Variants in UBE2L3 observed in about 807,000 individuals in gnomAD.
UBE2L3 encodes the protein ubiquitin-conjugating enzyme E2 L3.
A neutral mutation model predicts 17.8 loss-of-function variants in UBE2L3; 1 was observed. The observed-to-expected ratio is 0.06, with a 90% confidence interval of 0.02 to 0.27. The LOEUF (loss-of-function observed/expected upper bound fraction) is 0.27. Ranked by LOEUF, UBE2L3 falls within the 10% of genes least tolerant of loss-of-function variation. UBE2L3 has a pLI of 1.00. For synonymous variants in UBE2L3, 44 were observed against 68.5 expected, an observed-to-expected ratio of 0.64 and a Z score of 1.76; for missense variants, 40 against 192.6, an observed-to-expected ratio of 0.21 and a Z score of 4.69.
intron 2 of UBE2L3, among the ~76,000 whole-genome samples, chr22:21,607,509 C>T (rs572817438): frequency 4.4e-5 from 6 of 137,862 alleles, no homozygotes; most frequent in South Asian, 5.1e-4. Context: ...AGCGAGACTC[C>T]GTCTTAAAAA....
intron 1 of UBE2L3, among the ~76,000 whole-genome samples, chr22:21,589,294 C>T (rs371538641): frequency 4.5e-4 from 69 of 151,790 alleles, no homozygotes; most frequent in African/African-American, 1.5e-3. Flanking sequence ...TACAGGCGCC[C>T]GCCACCATGC....
intron 1 of UBE2L3, among the ~76,000 whole-genome samples, chr22:21,561,990 C>G (rs1481193194): frequency 1.3e-5 from 2 of 152,122 alleles, no homozygotes. Flanking sequence ...TTTCCTGCCC[C>G]AGCAGAGGCA....
At chr22:21,620,521 CAG>C (rs1929992779) in intron 3 of UBE2L3, among the ~76,000 whole-genome samples, 1 of 152,112 alleles carries the variant, frequency 6.6e-6, no homozygotes, top group African/African-American at 2.4e-5. Flanking sequence ...CTGGTCCTGA[CAG>C]GGTCAGGGGG....
upstream of UBE2L3, among the ~76,000 whole-genome samples, chr22:21,563,199 G>A (rs1458465071): frequency 1.7e-4 from 24 of 143,438 alleles, no homozygotes; most frequent in Admixed American, 1.1e-3. Flanking sequence ...CCGAGATTGC[G>A]CCACTGCACT....
At chr22:21,606,318 T>TGTGTGTGTGTGTG (rs1010176803) in intron 2 of UBE2L3, among the ~76,000 whole-genome samples, 4 of 151,254 alleles carry the variant, frequency 2.6e-5, no homozygotes, top group African/African-American at 9.7e-5. Flanking sequence ...GTGTGGTATG[T>TGTGTGTGTGTGTG]GTGTGTGTGT....
intron 3 of UBE2L3, among the ~76,000 whole-genome samples, chr22:21,612,588 G>T (rs967777612): frequency 4.8e-5 from 7 of 146,000 alleles, no homozygotes; most frequent in Admixed American, 2.8e-4. Context: ...GCCTCCCAAA[G>T]TGCTGGGATT....
At chr22:21,618,766 ATTTTTTG>A (rs1929909477) in intron 3 of UBE2L3, among the ~76,000 whole-genome samples, 1 of 151,778 alleles carries the variant, frequency 6.6e-6, no homozygotes, top group Admixed American at 6.6e-5. Context: ...TTTATTTTTT[ATTTTTTG>A]TAGAGGCCAG....
At chr22:21,579,958 G>C (rs982203736) in intron 1 of UBE2L3, among the ~76,000 whole-genome samples, 1 of 152,184 alleles carries the variant, frequency 6.6e-6, no homozygotes, top group African/African-American at 2.4e-5. Context: ...GTTTTGTTTT[G>C]CCTGAGCAGT....
intron 3 of UBE2L3, among the ~76,000 whole-genome samples, chr22:21,617,118 C>T (rs555071644): frequency 6.8e-6 from 1 of 146,384 alleles, no homozygotes; most frequent in Non-Finnish European, 1.5e-5. Context: ...GCACTCCAGC[C>T]TGGGCAACAG....
intron 1 of UBE2L3, 166 bp downstream of exon 1, chr22:21,567,937 C>G: frequency 7.0e-7 from 1 of 1,425,612 alleles, no homozygotes; most frequent in Non-Finnish European, 9.2e-7. Flanking sequence ...ACGGGGCTGG[C>G]CTAGGCCGCA....
At chr22:21,611,087 G>T (rs1041518502) in intron 3 of UBE2L3, 44 bp downstream of exon 3, 9 of 1,533,050 alleles carry the variant, frequency 5.9e-6, no homozygotes, top group African/African-American at 2.8e-5. Context: ...GTCTTTGGGG[G>T]TGCTGCTCTG....
intron 1 of UBE2L3, among the ~76,000 whole-genome samples, chr22:21,588,494 G>A (rs888136658): frequency 2.9e-5 from 4 of 140,266 alleles, no homozygotes; most frequent in African/African-American, 1.1e-4. Context: ...TTGAGATAGG[G>A]TCTCACTCTA....
chr22:21,592,615 CA>C (rs920229841), intron 1 of UBE2L3, among the ~76,000 whole-genome samples: 3 of 152,114 alleles, frequency 2.0e-5, no homozygotes, highest in African/African-American at 7.2e-5. Context: ...CTGTCCTATT[CA>C]GGGGGGTTCA....
intron 2 of UBE2L3, among the ~76,000 whole-genome samples, chr22:21,598,221 T>C (rs1271746042): frequency 9.9e-6 from 1 of 101,500 alleles, no homozygotes; most frequent in Non-Finnish European, 2.1e-5. Context: ...TTTTCATTTA[T>C]CTCCTCTGTG....
intron 1 of UBE2L3, chr22:21,568,141 G>A (rs1926742870): frequency 1.9e-6 from 2 of 1,031,380 alleles, no homozygotes; most frequent in Admixed American, 5.8e-5. Context: ...GGGAAGGCCC[G>A]AGCGCCGGAG....
intron 3 of UBE2L3, among the ~76,000 whole-genome samples, chr22:21,616,417 G>A (rs1366044592): frequency 2.0e-5 from 3 of 152,038 alleles, no homozygotes; most frequent in Non-Finnish European, 2.9e-5. Flanking sequence ...TTGGGAGGCC[G>A]AGGTGGGCGG....
chr22:21,567,704 G>A (rs1568968718), upstream of UBE2L3: 2 of 1,566,602 alleles, frequency 1.3e-6, no homozygotes, highest in Non-Finnish European at 1.7e-6. Context: ...CGCCCGGCCG[G>A]CCGCGATGCA....
At chr22:21,593,950 A>G (rs1928396123) in intron 2 of UBE2L3, among the ~76,000 whole-genome samples, 2 of 151,880 alleles carry the variant, frequency 1.3e-5, no homozygotes, top group South Asian at 4.2e-4. Flanking sequence ...ATCATAGATG[A>G]TTATGCCAGA....
At chr22:21,556,875 G>A (rs1926249014) in intron 1 of UBE2L3, among the ~76,000 whole-genome samples, 1 of 152,244 alleles carries the variant, frequency 6.6e-6, no homozygotes. Flanking sequence ...CCAATATGGT[G>A]AAACCCTGTC....
Sources: allele counts gnomAD v4.1 joint callset (sites outside exome capture counted in the v4.1 genomes callset), GRCh38; gene constraint gnomAD v4.1.1; transcripts MANE v1.5; gene names NCBI Gene and HGNC (gene_info 2026-07-23, HGNC 2026-07-21).